Variants in HMCN1 observed in about 807,000 individuals in gnomAD.
HMCN1 encodes hemicentin 1.
In HMCN1, 321 loss-of-function variants were observed where a neutral mutation model predicts 625.9. That is an observed-to-expected ratio of 0.51 (90% CI 0.47 to 0.56). The LOEUF (loss-of-function observed/expected upper bound fraction) is 0.56. Ranked by LOEUF, HMCN1 falls within the 20% of genes least tolerant of loss-of-function variation. The pLI, the probability that HMCN1 is intolerant of heterozygous loss-of-function variation, is 0.00. For synonymous variants in HMCN1, 2,425 were observed against 2,417.6 expected (o/e 1.00, Z -0.09); for missense variants, 6,588 against 6,887.3 (o/e 0.96, Z 1.54).
chr1:186,189,754 G>A lies in HMCN1; in HGVS notation c.16784G>A (p.Arg5595Gln), dbSNP rs765183136. 2.5e-6 allele frequency: 4 copies of A among 1,613,580 alleles called. No homozygotes were observed. The highest frequency in any genetic ancestry group is 2.2e-5 in the East Asian group (1 of 44,848). ...CTGAAAGGAGTGGTGTATACAACAC[G>A]ACCACTACGAGAAGCAGAGACCTAC... ...ENLKGVVYTT[R>Q]PLREAETYRM... The change falls in exon 107 of 107, where the codon CGA becomes CAA. Residue 5595 changes from arginine to glutamine, a missense_variant. By Grantham distance (43) the Arg-to-Gln change is conservative. Transcript: ENST00000271588.
At chr1:186,178,855 T>C (rs1019073680) in intron 104 of HMCN1, 89 bp downstream of exon 104, 1 of 920,082 alleles carries the variant, frequency 1.1e-6, no homozygotes, top group Non-Finnish European at 1.8e-6. Context: ...TTGAGTGCAG[T>C]GAACTACATC....
chr1:185,740,524 A>T (rs1653912744), intron 1 of HMCN1, among the ~76,000 whole-genome samples: 1 of 152,132 alleles, frequency 6.6e-6, no homozygotes, highest in Admixed American at 6.5e-5. Context: ...CAAAAATTTT[A>T]TGTGGAAATT....
At position 186,001,719 on chromosome 1, in the gene HMCN1, G is replaced by C; in HGVS notation, c.4326G>C (p.Lys1442Asn). The C allele has an allele frequency of 1.2e-6, 2 of 1,612,304 alleles. No individual in the cohort carries two copies. Among genetic ancestry groups the C allele is most frequent in the Non-Finnish European group, 1.7e-6 (2 of 1,178,772 alleles). Reference sequence around the variant, plus strand: ...TTAATATTGCAGGCACTTCTCAGAAGTACTTTAACATTGATGTGCTAGGTA... The same window carrying C: ...TTAATATTGCAGGCACTTCTCAGAACTACTTTAACATTGATGTGCTAGGTA... ...KAINIAGTSQKYFNIDVLVPP... is the reference protein window; with the variant it reads ...KAINIAGTSQNYFNIDVLVPP... The change falls in exon 28 of 107, where the codon AAG becomes AAC. Residue 1442 changes from lysine to asparagine, a missense_variant. By Grantham distance (94) the Lys-to-Asn change is moderately conservative (BLOSUM62 0). Around this residue, in one of 3 missense-constraint regions of HMCN1, gnomAD observed 4,628 missense variants for 4,853.1 expected, o/e 0.95. Transcript: ENST00000271588.
At chr1:185,890,430 T>G (rs979772624) in intron 4 of HMCN1, among the ~76,000 whole-genome samples, 5 of 147,044 alleles carry the variant, frequency 3.4e-5, no homozygotes, top group Admixed American at 6.6e-5. Context: ...TCTTTCCTGC[T>G]TTCTCTTGTG....
intron 52 of HMCN1, among the ~76,000 whole-genome samples, chr1:186,071,337 T>C (rs1658470722): frequency 6.6e-6 from 1 of 152,168 alleles, no homozygotes. Flanking sequence ...CCCAGTACAG[T>C]TAACTGGGAA....
At chr1:186,114,773 C>A in intron 73 of HMCN1, 46 bp from the exon 74 acceptor site, 1 of 1,611,318 alleles carries the variant, frequency 6.2e-7, no homozygotes, top group East Asian at 2.2e-5. Flanking sequence ...TATGAACAAT[C>A]AAAAAAGGCT....
chr1:186,043,213 C>T (rs993936790), intron 40 of HMCN1, among the ~76,000 whole-genome samples: 2 of 152,040 alleles, frequency 1.3e-5, no homozygotes, highest in African/African-American at 4.8e-5. Flanking sequence ...CAGAACACAT[C>T]CCTTCCTAAG....
At chr1:185,928,769 T>C in intron 10 of HMCN1, 102 bp downstream of exon 10, 4 of 1,261,716 alleles carry the variant, frequency 3.2e-6, no homozygotes, top group Middle Eastern at 2.0e-4. Flanking sequence ...TCTTTGCGAT[T>C]ATTTTATTAT....
At chr1:186,184,505 C>T (rs1452161334) in intron 105 of HMCN1, among the ~76,000 whole-genome samples, 1 of 152,118 alleles carries the variant, frequency 6.6e-6, no homozygotes, top group Non-Finnish European at 1.5e-5. Flanking sequence ...TTGCCTAAGA[C>T]ACAGAGAGGA....
At position 185,925,074 on chromosome 1, in the gene HMCN1, A is replaced by T; in HGVS notation, c.1313A>T (p.Lys438Ile). 1 of 1,613,724 alleles carries T rather than the reference A, an allele frequency of 6.2e-7. No individual in the cohort carries two copies. Among genetic ancestry groups the T allele is most frequent in the Non-Finnish European group, 8.5e-7 (1 of 1,179,786 alleles). The change falls in exon 9 of 107, where the codon AAA (lysine) becomes ATA (isoleucine). Residue 438 changes from lysine (K) to isoleucine (I), a missense_variant. Around this residue, in one of 3 missense-constraint regions of HMCN1, gnomAD observed 4,628 missense variants for 4,853.1 expected, o/e 0.95. Coordinates refer to ENST00000271588, the MANE Select transcript of HMCN1 (RefSeq NM_031935.3). ...PDAPKVTMPE[K>I]TPGYYLQPGQ... Reference sequence around the variant, plus strand: ...GCTCCCAAAGTTACGATGCCTGAGAAAACCCCAGGATACTATCTGCAGCCG... The same window carrying T: ...GCTCCCAAAGTTACGATGCCTGAGATAACCCCAGGATACTATCTGCAGCCG...
At chr1:185,936,104 T>C (rs1667801526) in intron 11 of HMCN1, among the ~76,000 whole-genome samples, 1 of 152,172 alleles carries the variant, frequency 6.6e-6, no homozygotes. Context: ...GCCTCATTTA[T>C]GTTGTTATGC....
At chr1:185,752,251 G>A in intron 1 of HMCN1, among the ~76,000 whole-genome samples, 1 of 151,840 alleles carries the variant, frequency 6.6e-6, no homozygotes, top group East Asian at 1.9e-4. Flanking sequence ...CAGTTTTTTT[G>A]GGTTAGTGGG....
At chr1:185,838,455 C>T (rs1661299641) in intron 1 of HMCN1, among the ~76,000 whole-genome samples, 2 of 152,178 alleles carry the variant, frequency 1.3e-5, no homozygotes, top group African/African-American at 4.8e-5. Context: ...ACCCCCCAGT[C>T]TCAACCTTTC....
chr1:185,753,775 G>A (rs1654961929), intron 1 of HMCN1, among the ~76,000 whole-genome samples: 1 of 152,178 alleles, frequency 6.6e-6, no homozygotes, highest in Non-Finnish European at 1.5e-5. Context: ...TGAAAGATAA[G>A]TCTTTCTAAG....
At chr1:186,178,215 C>T (rs1652717446) in intron 103 of HMCN1, among the ~76,000 whole-genome samples, 1 of 152,096 alleles carries the variant, frequency 6.6e-6, no homozygotes, top group African/African-American at 2.4e-5. Context: ...GGGAGATTTG[C>T]AGAATCTGTC....
rs146579234 is a variant in HMCN1, at chr1:186,120,751, T to G, written c.12229+606T>G. Among the ~76,000 whole-genome samples the G allele has an allele frequency of 2.9e-3, 448 of 152,342 alleles. 1 individual carries two copies. Among genetic ancestry groups the G allele is most frequent in the African/African-American group, 9.9e-3 (413 of 41,582 alleles). On this transcript the variant is annotated intron_variant, in intron 80 of 106. Coordinates refer to ENST00000271588, the MANE Select transcript of HMCN1 (RefSeq NM_031935.3). ...ATGAATATAATAAACCTCACTTTCCTGCATATTATAAATCTAATTGGTTTG... is the reference window on the plus strand; with the variant it reads ...ATGAATATAATAAACCTCACTTTCCGGCATATTATAAATCTAATTGGTTTG...
rs926955836 is a variant in HMCN1 at position 186,166,261 on chromosome 1, C to T, written c.15397C>T (p.Pro5133Ser). 4 of 1,614,104 alleles carry T rather than the reference C, an allele frequency of 2.5e-6. No homozygotes were observed. The highest frequency in any genetic ancestry group is 3.4e-6 in the Non-Finnish European group (4 of 1,179,994). Residue 5133 changes from proline to serine, a missense_variant, in exon 99 of 107, where the codon CCT (proline) becomes TCT (serine). Coordinates refer to ENST00000271588, the MANE Select transcript of HMCN1 (RefSeq NM_031935.3). ...CATGGGGACTTACTACTGCTCCTGC[C>T]CTAAAGGCCTCACCATAGCTGCAGA... ...NAMGTYYCSC[P>S]KGLTIAADGR...
intron 4 of HMCN1, among the ~76,000 whole-genome samples, chr1:185,900,233 A>T (rs1365670633): frequency 6.6e-6 from 1 of 151,902 alleles, no homozygotes; most frequent in Non-Finnish European, 1.5e-5. Context: ...AGGATTTCTA[A>T]GATTTGTACA....
At chr1:185,790,921 A>G (rs974092897) in intron 1 of HMCN1, among the ~76,000 whole-genome samples, 4 of 152,298 alleles carry the variant, frequency 2.6e-5, no homozygotes, top group Admixed American at 1.3e-4. Context: ...ATATAAGGTT[A>G]AGCATACTTT....
Sources: allele counts gnomAD v4.1 joint callset (sites outside exome capture counted in the v4.1 genomes callset), GRCh38; gene constraint gnomAD v4.1.1; regional missense constraint gnomAD v4.1.1; transcripts MANE v1.5; gene names NCBI Gene and HGNC (gene_info 2026-07-23, HGNC 2026-07-21).